CLNK: variants seen among roughly 807,000 people sequenced by gnomAD.
CLNK encodes cytokine dependent hematopoietic cell linker.
A neutral mutation model predicts 68.6 loss-of-function variants in CLNK; 74 were observed. The observed-to-expected ratio is 1.08, with a 90% confidence interval of 0.89 to 1.31. The LOEUF (loss-of-function observed/expected upper bound fraction) is 1.31, where lower values mean the gene tolerates loss of function less well. Among genes scored for constraint, CLNK ranks in the 50% most tolerant of loss-of-function variants. The pLI is 0.00. For missense variants in CLNK, 553 were observed against 515.3 expected (o/e 1.07, Z -0.71); for synonymous variants, 198 against 172.2 (o/e 1.15, Z -1.17).
At chr4:10,691,313 C>T in the CLNK span, among the ~76,000 whole-genome samples, 11 of 152,194 alleles carry the variant, frequency 7.2e-5, no homozygotes. Flanking sequence ...GAATCCATTG[C>T]AATACTAAGG....
chr4:10,734,444 T>G, the CLNK span, among the ~76,000 whole-genome samples: 28 of 152,208 alleles, frequency 1.8e-4, no homozygotes, highest in Non-Finnish European at 3.5e-4. Context: ...TTCAGGTCAC[T>G]TTTACTCAGG....
chr4:10,514,105 G>A (rs1233773388), intron 15 of CLNK, among the ~76,000 whole-genome samples: 12 of 138,758 alleles, frequency 8.6e-5, no homozygotes, highest in Non-Finnish European at 1.5e-4. Flanking sequence ...GAGAATATGC[G>A]GTGTTTGGTT....
chr4:10,561,773 A>G, intron 7 of CLNK, among the ~76,000 whole-genome samples: 1 of 152,234 alleles, frequency 6.6e-6, no homozygotes, highest in East Asian at 1.9e-4. Context: ...GTAGCAGGAA[A>G]ATAGAAGAAT....
At chr4:10,516,551 C>CTT (rs11322271) in intron 15 of CLNK, among the ~76,000 whole-genome samples, 2 of 132,436 alleles carry the variant, frequency 1.5e-5, no homozygotes, top group Non-Finnish European at 1.6e-5. Flanking sequence ...AGGATTGTAG[C>CTT]TTTTTTTTTT....
At chr4:10,526,410 G>T (rs1287550331) in intron 13 of CLNK, among the ~76,000 whole-genome samples, 1 of 152,100 alleles carries the variant, frequency 6.6e-6, no homozygotes, top group Admixed American at 6.5e-5. Context: ...CAAGTAAGTC[G>T]ATAAGAACAT....
At chr4:10,532,171 T>A in intron 12 of CLNK, 85 bp downstream of exon 12, 1 of 966,822 alleles carries the variant, frequency 1.0e-6, no homozygotes, top group Non-Finnish European at 1.7e-6. Context: ...TGTAAGTATC[T>A]GAAGCAAATA....
intron 16 of CLNK, among the ~76,000 whole-genome samples, chr4:10,509,671 T>G (rs985431528): frequency 6.6e-6 from 1 of 152,080 alleles, no homozygotes; most frequent in Admixed American, 6.5e-5. Flanking sequence ...ATTACAGGCA[T>G]GTGGCCACCA....
At chr4:10,712,712 C>CA in the CLNK span, among the ~76,000 whole-genome samples, 3 of 152,204 alleles carry the variant, frequency 2.0e-5, no homozygotes, top group Non-Finnish European at 4.4e-5. Flanking sequence ...GTCATGTAGC[C>CA]AGGGACAGTG....
chr4:10,637,426 A>G (rs372416665), intron 2 of CLNK, among the ~76,000 whole-genome samples: 1 of 142,556 alleles, frequency 7.0e-6, no homozygotes, highest in Admixed American at 7.6e-5. Context: ...GTGATAAGCA[A>G]CAATAAAAAA....
chr4:10,515,348 C>T (rs1001608350), intron 15 of CLNK, among the ~76,000 whole-genome samples: 2 of 152,158 alleles, frequency 1.3e-5, no homozygotes, highest in Non-Finnish European at 2.9e-5. Flanking sequence ...TCTCCATCCT[C>T]ATCCTGATTT....
intron 14 of CLNK, among the ~76,000 whole-genome samples, chr4:10,524,124 A>C (rs1257731826): frequency 7.2e-6 from 1 of 138,232 alleles, no homozygotes; most frequent in Admixed American, 7.3e-5. Flanking sequence ...GGAGGATGAT[A>C]TTGTGGTATG....
At chr4:10,723,219 G>A in the CLNK span, among the ~76,000 whole-genome samples, 42 of 152,280 alleles carry the variant, frequency 2.8e-4, no homozygotes, top group South Asian at 8.1e-3. Flanking sequence ...ATTTACTTGG[G>A]CATAGAAAGT....
At chr4:10,632,503 T>C (rs190039979) in intron 2 of CLNK, among the ~76,000 whole-genome samples, 23 of 152,382 alleles carry the variant, frequency 1.5e-4, no homozygotes, top group Admixed American at 8.5e-4. Flanking sequence ...TTTGTGTGAC[T>C]ATTTGTGGAA....
intron 2 of CLNK, among the ~76,000 whole-genome samples, chr4:10,658,338 G>A (rs1392475508): frequency 6.6e-6 from 1 of 152,214 alleles, no homozygotes; most frequent in African/African-American, 2.4e-5. Context: ...GCCCTTGCAT[G>A]AAGCAATGAT....
intron 2 of CLNK, among the ~76,000 whole-genome samples, chr4:10,601,125 G>T (rs1721577102): frequency 1.3e-5 from 2 of 152,326 alleles, no homozygotes; most frequent in East Asian, 3.9e-4. Context: ...TACAGATGAG[G>T]AAACGGGACC....
At position 10,544,834 on chromosome 4, in the gene CLNK, T is replaced by A. The variant is rs928014650; in HGVS notation, c.446-2554A>T. 3.9e-5 allele frequency among the ~76,000 whole-genome samples: 6 copies of A among 152,276 alleles called. No individual in the cohort carries two copies. The South Asian group carries it at 1.2e-3, about 32-fold the overall frequency. On this transcript the variant is annotated intron_variant, in intron 8 of 18. Transcript: ENST00000226951. ...TGCGGGTGGTGACTCTGAGGTGTACTAAGACGGTGCAGGACAGCACATGGC... is the reference window on the plus strand; with the variant it reads ...TGCGGGTGGTGACTCTGAGGTGTACAAAGACGGTGCAGGACAGCACATGGC...
chr4:10,719,019 AAAT>A, the CLNK span, among the ~76,000 whole-genome samples: 3 of 152,142 alleles, frequency 2.0e-5, no homozygotes, highest in Non-Finnish European at 4.4e-5. Context: ...CAAGCACTAA[AAAT>A]AATAAATAAA....
intron 2 of CLNK, among the ~76,000 whole-genome samples, chr4:10,610,693 G>A (rs1484969120): frequency 2.0e-5 from 3 of 151,764 alleles, no homozygotes; most frequent in Non-Finnish European, 4.4e-5. Context: ...GTCCATAGAC[G>A]TGTTCCTGGT....
At position 10,520,804 on chromosome 4, in the gene CLNK, A is replaced by C. The variant is rs772851478; in HGVS notation, c.759T>G (p.Ser253Arg). Residue 253 changes from serine (S) to arginine (R), a missense_variant, in exon 15 of 19, where the codon AGT becomes AGG. Physicochemically the swap from Ser to Arg is moderately radical, Grantham distance 110. Coordinates refer to ENST00000226951, the MANE Select transcript of CLNK (RefSeq NM_052964.4). Reference protein sequence around the residue: ...SSSSFTTSNHSVQNRDHRGGM... With the variant: ...SSSSFTTSNHRVQNRDHRGGM... ...AAGTGCTCTTACCTCTGTTTTGCAC[A>C]CTGTGGTTGCTTGTCGTGAATGAAG... 3.1e-6 allele frequency: 5 copies of C among 1,607,180 alleles called. No individual in the cohort carries two copies. The highest frequency in any genetic ancestry group is 4.3e-6 in the Non-Finnish European group (5 of 1,175,532).
Sources: allele counts gnomAD v4.1 joint callset (sites outside exome capture counted in the v4.1 genomes callset), GRCh38; gene constraint gnomAD v4.1.1; transcripts MANE v1.5; gene names NCBI Gene and HGNC (gene_info 2026-07-23, HGNC 2026-07-21).